The following CSGALNACT2 variants were observed in gnomAD, a reference collection of about 807,000 sequenced individuals.
CSGALNACT2 encodes the protein beta 4 GalNAcT-2.
A neutral mutation model predicts 55.3 loss-of-function variants in CSGALNACT2; 35 were observed. That is an observed-to-expected ratio of 0.63 (90% CI 0.48 to 0.84). CSGALNACT2 has a LOEUF of 0.84. CSGALNACT2 is among the 40% of genes least tolerant of loss of function. The pLI, the probability that CSGALNACT2 is intolerant of heterozygous loss-of-function variation, is 0.00. For synonymous variants in CSGALNACT2, 196 were observed against 224.9 expected (o/e 0.87, Z 1.15); for missense variants, 544 against 657.5 (o/e 0.83, Z 1.89).
Position 43,183,843 on chromosome 10 carries a change from T to G in CSGALNACT2, c.*301T>G. ...CCCATGTTCTGATTGTGTGTGGGAT[T>G]GCATGGTGTCCTGATTGCATCTAGG... On this transcript the variant is annotated 3_prime_UTR_variant, in exon 8 of 8. Coordinates refer to ENST00000374466, the MANE Select transcript of CSGALNACT2 (RefSeq NM_018590.5). The G allele has an allele frequency of 2.6e-6, 1 of 391,030 alleles. No homozygotes were observed. The highest frequency in any genetic ancestry group is 4.8e-6 in the Non-Finnish European group (1 of 207,556). The allele number at this position is 391,030 out of a possible 1,614,324, so 24.2% of individuals were successfully genotyped here. A position where few individuals can be genotyped will look rare whatever the true frequency, so the allele number is the denominator to read the frequency against.
At chr10:43,168,554 T>C (rs1839316124) in intron 6 of CSGALNACT2, among the ~76,000 whole-genome samples, 2 of 152,126 alleles carry the variant, frequency 1.3e-5, no homozygotes, top group African/African-American at 4.8e-5. Flanking sequence ...TACAATGTTT[T>C]AATTTATAAG....
intron 7 of CSGALNACT2, among the ~76,000 whole-genome samples, chr10:43,177,235 A>G (rs1279488898): frequency 6.6e-6 from 1 of 152,182 alleles, no homozygotes; most frequent in Non-Finnish European, 1.5e-5. Flanking sequence ...TTTTTTCAGT[A>G]TCTTGAATGC....
At chr10:43,175,609 TGGG>T (rs946246570) in intron 6 of CSGALNACT2, among the ~76,000 whole-genome samples, 2 of 152,046 alleles carry the variant, frequency 1.3e-5, no homozygotes, top group African/African-American at 4.8e-5. Flanking sequence ...GGAAGGGGGT[TGGG>T]GGAATGGATA....
intron 3 of CSGALNACT2, among the ~76,000 whole-genome samples, chr10:43,160,091 T>TCATTTATTCCTTAATAAACTATC (rs1432571370): frequency 1.3e-5 from 2 of 152,214 alleles, no homozygotes; most frequent in African/African-American, 4.8e-5. Flanking sequence ...TCATGGCAAA[T>TCATTTATTCCTTAATAAACTATC]ATTTATTCCT....
At chr10:43,165,807 T>C (rs1839253695) in intron 5 of CSGALNACT2, among the ~76,000 whole-genome samples, 1 of 152,020 alleles carries the variant, frequency 6.6e-6, no homozygotes, top group South Asian at 2.1e-4. Flanking sequence ...CTGGCCAACA[T>C]GGTGAAACCC....
chr10:43,183,724 C>A lies in CSGALNACT2; in HGVS notation c.*182C>A, dbSNP rs1839638408. ...AAAAACAAATGTTTCAACACAAAAT[C>A]TCTGTTTTGTGAGAATACTGCACTA... On this transcript the variant is annotated 3_prime_UTR_variant, in exon 8 of 8. Transcript: ENST00000374466. 2 of 602,556 alleles carry A rather than the reference C, an allele frequency of 3.3e-6. No homozygotes were observed. The highest frequency in any genetic ancestry group is 4.4e-4 in the Middle Eastern group (1 of 2,272). 37.3% of individuals were successfully genotyped at this position (602,556 alleles called of 1,614,324 possible).
chr10:43,171,672 C>T (rs1311343177), intron 6 of CSGALNACT2, among the ~76,000 whole-genome samples: 1 of 152,140 alleles, frequency 6.6e-6, no homozygotes, highest in Non-Finnish European at 1.5e-5. Context: ...ATATTCTTGC[C>T]TGGTTTGGAG....
chr10:43,167,200 A>T (rs995031578), intron 6 of CSGALNACT2, 102 bp downstream of exon 6: 1 of 738,104 alleles, frequency 1.4e-6, no homozygotes, highest in South Asian at 1.7e-5. Context: ...CTGTATTTCC[A>T]TGAGCAAAGT....
intron 2 of CSGALNACT2, among the ~76,000 whole-genome samples, chr10:43,157,797 G>A (rs527563743): frequency 8.8e-4 from 134 of 152,170 alleles, no homozygotes; most frequent in African/African-American, 3.0e-3. Flanking sequence ...TTGGGAGGCC[G>A]AGGTGGGCAG....
At chr10:43,148,432 A>G (rs932699957) in intron 1 of CSGALNACT2, among the ~76,000 whole-genome samples, 1 of 152,216 alleles carries the variant, frequency 6.6e-6, no homozygotes, top group Non-Finnish European at 1.5e-5. Context: ...CAAGAAGTCC[A>G]CTGGGATTCT....
In CSGALNACT2 at chr10:43,145,591, T is replaced by C. The variant is rs145164101; in HGVS notation, c.-254+7024T>C. 1.3e-3 allele frequency among the ~76,000 whole-genome samples: 199 copies of C among 152,106 alleles called. 2 individuals carry two copies. Among genetic ancestry groups the C allele is most frequent in the African/African-American group, 4.4e-3 (184 of 41,522 alleles). ...GCCTGGCTAATTTTTTAATTTCTTA[T>C]AGAGGCAAGGTCTCGCTAGCTATAT... On this transcript the variant is annotated intron_variant, in intron 1 of 7. Coordinates refer to ENST00000374466, the MANE Select transcript of CSGALNACT2 (RefSeq NM_018590.5).
rs191209433 is a variant in CSGALNACT2 at position 43,162,098 on chromosome 10, C to G, written c.980+1503C>G. 962 of 508,342 alleles carry G rather than the reference C, an allele frequency of 1.9e-3. 10 individuals carry two copies. The highest frequency in any genetic ancestry group is 0.016 in the Middle Eastern group (48 of 3,090). 31.5% of individuals were successfully genotyped at this position (508,342 alleles called of 1,614,324 possible). A position where few individuals can be genotyped will look rare whatever the true frequency, so the allele number is the denominator to read the frequency against. ...AATTTGGGGAAGAAAATCAAAACAA[C>G]TCTTGTTTCTCAGGGATTGGAACCA... On this transcript the variant is annotated intron_variant, in intron 4 of 7. Transcript: ENST00000374466.
rs188472527 is a variant in CSGALNACT2, at chr10:43,172,896, C to A, written c.1255-3055C>A. Among the ~76,000 whole-genome samples, 51 of 152,246 alleles carry A rather than the reference C, an allele frequency of 3.3e-4. No homozygotes were observed. The East Asian group carries it at 3.9e-3, about 11-fold the overall frequency. ...AAAGAACAGGAAAGAACCAGCTAGGCTGTGATTGGGGGATAGTGGTTTCAG... is the reference window on the plus strand; with the variant it reads ...AAAGAACAGGAAAGAACCAGCTAGGATGTGATTGGGGGATAGTGGTTTCAG... On this transcript the variant is annotated intron_variant, in intron 6 of 7. Coordinates refer to ENST00000374466, the MANE Select transcript of CSGALNACT2 (RefSeq NM_018590.5).
At chr10:43,166,885 A>G (rs1333290745) in intron 5 of CSGALNACT2, 119 bp from the exon 6 acceptor site, 1 of 569,158 alleles carries the variant, frequency 1.8e-6, no homozygotes, top group Non-Finnish European at 3.1e-6. Context: ...TAGCCTGAAT[A>G]TTAAAAAATA....
intron 1 of CSGALNACT2, among the ~76,000 whole-genome samples, chr10:43,150,655 A>C (rs1399700525): frequency 6.6e-6 from 1 of 152,106 alleles, no homozygotes; most frequent in Non-Finnish European, 1.5e-5. Context: ...TTCTCTTTAC[A>C]TTGGATTTGA....
intron 1 of CSGALNACT2, among the ~76,000 whole-genome samples, chr10:43,149,771 T>C (rs1838836297): frequency 6.6e-6 from 1 of 152,196 alleles, no homozygotes; most frequent in African/African-American, 2.4e-5. Context: ...ATAATTCTTA[T>C]TTAAATGTTT....
In CSGALNACT2 at chr10:43,165,801, C is replaced by G. The variant is rs554053002; in HGVS notation, c.1160-1203C>G. ...AGTCGGGAGTTCGATACCAGCCTGG[C>G]CAACATGGTGAAACCCCATCTCTAC... is the stretch of plus-strand genomic sequence containing the variant. On this transcript the variant is annotated intron_variant, in intron 5 of 7. Coordinates refer to ENST00000374466, the MANE Select transcript of CSGALNACT2 (RefSeq NM_018590.5). Among the ~76,000 whole-genome samples, 306 of 152,160 alleles carry G rather than the reference C, an allele frequency of 2.0e-3. 1 individual carries two copies. The highest frequency in any genetic ancestry group is 6.8e-3 in the African/African-American group (281 of 41,502).
chr10:43,169,170 C>T (rs1839332420), intron 6 of CSGALNACT2, among the ~76,000 whole-genome samples: 1 of 152,190 alleles, frequency 6.6e-6, no homozygotes, highest in South Asian at 2.1e-4. Context: ...TTAGCGCATT[C>T]CCCCTGAGAC....
intron 1 of CSGALNACT2, among the ~76,000 whole-genome samples, chr10:43,147,448 T>G (rs1838782446): frequency 6.6e-6 from 1 of 152,246 alleles, no homozygotes; most frequent in Non-Finnish European, 1.5e-5. Context: ...TGTCTTCTCA[T>G]TCTCTTAACA....
Sources: gnomAD v4.1 joint callset for allele counts (sites outside exome capture counted in the v4.1 genomes callset) on GRCh38, gnomAD v4.1.1 for gene constraint, MANE v1.5 for transcripts, NCBI Gene and HGNC (gene_info 2026-07-23, HGNC 2026-07-21) for gene names.